The following CBX5 variants were observed in gnomAD, a reference collection of about 807,000 sequenced individuals.
CBX5 encodes chromobox 5.
Under a neutral mutation model 20.7 loss-of-function variants are expected in CBX5, and 7 were observed. The observed-to-expected ratio is 0.34, with a 90% CI of 0.19 to 0.63. The LOEUF (loss-of-function observed/expected upper bound fraction) is 0.63. CBX5 is among the 30% of genes least tolerant of loss of function. The pLI is 0.75. For synonymous variants in CBX5, 78 were observed against 77.0 expected, an observed-to-expected ratio of 1.01 and a Z score of -0.07; for missense variants, 110 against 224.1, an observed-to-expected ratio of 0.49 and a Z score of 3.25.
intron 1 of CBX5, among the ~76,000 whole-genome samples, chr12:54,274,873 G>C (rs774300092): frequency 1.4e-4 from 22 of 152,156 alleles, no homozygotes; most frequent in Admixed American, 5.9e-4. Context: ...CCGGGAGGCA[G>C]AGGTTGCAGT....
intron 1 of CBX5, among the ~76,000 whole-genome samples, chr12:54,266,303 CAGG>C (rs1208632636): frequency 6.6e-6 from 1 of 151,818 alleles, no homozygotes; most frequent in Non-Finnish European, 1.5e-5. Flanking sequence ...GAGGCTGAGG[CAGG>C]AGAATTGCTG....
chr12:54,243,772 G>A (rs1437852562), intron 4 of CBX5, among the ~76,000 whole-genome samples: 1 of 151,632 alleles, frequency 6.6e-6, no homozygotes, highest in East Asian at 2.0e-4. Flanking sequence ...AGGTGGCTGA[G>A]GGATGAGAAC....
chr12:54,277,348 C>A (rs543672861), intron 1 of CBX5, among the ~76,000 whole-genome samples: 4 of 152,296 alleles, frequency 2.6e-5, no homozygotes, highest in African/African-American at 7.2e-5. Flanking sequence ...GAATTACAGG[C>A]ACCCGCCACC....
intron 1 of CBX5, among the ~76,000 whole-genome samples, chr12:54,278,207 C>G (rs775928081): frequency 6.6e-6 from 1 of 152,168 alleles, no homozygotes; most frequent in Non-Finnish European, 1.5e-5. Context: ...CAGGACACTC[C>G]GAGCACCCTC....
intron 1 of CBX5, among the ~76,000 whole-genome samples, chr12:54,276,079 C>G (rs1018798916): frequency 2.7e-5 from 4 of 150,428 alleles, no homozygotes; most frequent in Non-Finnish European, 4.4e-5. Flanking sequence ...TGAGACTTCA[C>G]AATAAAACAA....
chr12:54,251,392 G>A (rs1235343248), intron 3 of CBX5, among the ~76,000 whole-genome samples: 5 of 151,902 alleles, frequency 3.3e-5, no homozygotes, highest in Middle Eastern at 3.4e-3. Flanking sequence ...GGTGGCAGGC[G>A]CCTGTAGTCC....
At chr12:54,253,366 G>C (rs2643028) in intron 2 of CBX5, among the ~76,000 whole-genome samples, 1 of 151,990 alleles carries the variant, frequency 6.6e-6, no homozygotes. Context: ...AGTGAGCCAA[G>C]ACTGCACCAC....
At chr12:54,256,582 A>C (rs968956774) in intron 2 of CBX5, among the ~76,000 whole-genome samples, 2 of 152,176 alleles carry the variant, frequency 1.3e-5, no homozygotes, top group Non-Finnish European at 1.5e-5. Flanking sequence ...ACCACTAGCC[A>C]CATGTGCCTA....
intron 1 of CBX5, among the ~76,000 whole-genome samples, chr12:54,278,455 T>C (rs1944092078): frequency 6.6e-6 from 1 of 152,218 alleles, no homozygotes; most frequent in Admixed American, 6.5e-5. Flanking sequence ...TGGAAATCTC[T>C]CCTCTGTTCA....
chr12:54,241,433 A>G lies in CBX5; in HGVS notation c.*322T>C, dbSNP rs1943674605. The G allele has an allele frequency of 4.8e-6, 1 of 209,136 alleles. No homozygotes were observed. Among genetic ancestry groups the G allele is most frequent in the East Asian group, 1.1e-4 (1 of 8,978 alleles). The allele number at this position is 209,136 out of a possible 1,614,324, so 13.0% of individuals were successfully genotyped here. ...AAAGCGACCAACCCTGAAAAGATCA[A>G]GACTCTAAGGTGATTAAAAAGTTGA... On this transcript the variant is annotated 3_prime_UTR_variant, in exon 5 of 5. Transcript: ENST00000209875.
chr12:54,257,570 G>C lies in CBX5; in HGVS notation c.81C>G (p.Asp27Glu). The C allele has an allele frequency of 6.2e-7, 1 of 1,614,154 alleles. No homozygotes were observed. Among genetic ancestry groups the C allele is most frequent in the Non-Finnish European group, 8.5e-7 (1 of 1,180,018 alleles). The change falls in exon 2 of 5, where the codon GAC (aspartate) becomes GAG (glutamate). Residue 27 changes from aspartate to glutamate, a missense_variant. Coordinates refer to ENST00000209875, the MANE Select transcript of CBX5 (RefSeq NM_012117.3). Reference protein sequence around the residue: ...EEEYVVEKVLDRRVVKGQVEY... With the variant: ...EEEYVVEKVLERRVVKGQVEY... ...CCACTTGTCCCTTAACCACGCGCCT[G>C]TCTAGCACCTTCTCCACAACATACT... is the stretch of plus-strand genomic sequence containing the variant.
At chr12:54,270,259 C>T (rs901027863) in intron 1 of CBX5, among the ~76,000 whole-genome samples, 18 of 152,214 alleles carry the variant, frequency 1.2e-4, no homozygotes, top group African/African-American at 4.1e-4. Context: ...TCCCTTTAAG[C>T]ACTTCCTTAA....
chr12:54,275,748 G>A (rs1944058154), intron 1 of CBX5, among the ~76,000 whole-genome samples: 1 of 151,362 alleles, frequency 6.6e-6, no homozygotes, highest in Non-Finnish European at 1.5e-5. Flanking sequence ...GCTCACACCT[G>A]TAATCCCAGC....
intron 2 of CBX5, among the ~76,000 whole-genome samples, chr12:54,253,275 C>T (rs914188584): frequency 5.3e-5 from 8 of 151,652 alleles, no homozygotes; most frequent in African/African-American, 1.7e-4. Flanking sequence ...ATTAGCTGGG[C>T]TTGGTGGTGC....
At chr12:54,242,358 T>C (rs1388963368) in intron 4 of CBX5, among the ~76,000 whole-genome samples, 3 of 151,854 alleles carry the variant, frequency 2.0e-5, no homozygotes, top group Admixed American at 6.6e-5. Context: ...ACCCCGACTC[T>C]ACTAAAAGTA....
intron 1 of CBX5, among the ~76,000 whole-genome samples, chr12:54,275,295 TAC>T (rs1303518926): frequency 6.6e-6 from 1 of 152,046 alleles, no homozygotes; most frequent in Non-Finnish European, 1.5e-5. Flanking sequence ...CAGGCTGGAG[TAC>T]AGTGGTGCAA....
At chr12:54,266,684 A>G (rs943054409) in intron 1 of CBX5, among the ~76,000 whole-genome samples, 1 of 152,238 alleles carries the variant, frequency 6.6e-6, no homozygotes, top group Admixed American at 6.5e-5. Flanking sequence ...GTGGGCTACA[A>G]GACTCAATTT....
intron 3 of CBX5, among the ~76,000 whole-genome samples, chr12:54,249,624 AC>A (rs1395576544): frequency 6.6e-6 from 1 of 152,134 alleles, no homozygotes; most frequent in Non-Finnish European, 1.5e-5. Flanking sequence ...ATCCTTCACC[AC>A]AAAAGGCTTC....
At chr12:54,265,128 T>G (rs1053609861) in intron 1 of CBX5, among the ~76,000 whole-genome samples, 5 of 152,220 alleles carry the variant, frequency 3.3e-5, no homozygotes, top group African/African-American at 9.6e-5. Flanking sequence ...ACTTGCACGA[T>G]TCCCACTTCT....
Sources: allele counts gnomAD v4.1 joint callset (sites outside exome capture counted in the v4.1 genomes callset), GRCh38; gene constraint gnomAD v4.1.1; transcripts MANE v1.5; gene names NCBI Gene and HGNC (gene_info 2026-07-23, HGNC 2026-07-21).